Variants in NGEF observed in about 807,000 individuals in gnomAD.
The protein encoded by NGEF is neuronal guanine nucleotide exchange factor.
NGEF carries 31 observed loss-of-function variants against 80.9 expected under a neutral mutation model. That is an observed-to-expected ratio of 0.38 (90% CI 0.29 to 0.52). NGEF has a LOEUF of 0.52. NGEF is among the 20% of genes least tolerant of loss of function. The probability of loss-of-function intolerance (pLI) is 0.84; values close to 1 mark genes in which losing one functional copy is unlikely to be tolerated. For synonymous variants in NGEF, 371 were observed against 370.2 expected (o/e 1.00, Z -0.03); for missense variants, 709 against 926.2 (o/e 0.77, Z 3.04).
intron 3 of NGEF, among the ~76,000 whole-genome samples, chr2:232,956,184 C>A (rs1226088413): frequency 1.3e-5 from 2 of 152,010 alleles, no homozygotes; most frequent in Admixed American, 1.3e-4. Context: ...TAAAGAGGAT[C>A]CAGGGCTCAA....
chr2:232,927,882 C>T, intron 3 of NGEF: 1 of 1,281,442 alleles, frequency 7.8e-7, no homozygotes, highest in Admixed American at 4.1e-5. Context: ...GGGACAGGCG[C>T]CCGTCCTCAC....
rs537302899 is a variant in NGEF, at chr2:232,888,290, GCA to G, written c.1273-185_1273-184del. Among the ~76,000 whole-genome samples, 1,145 of 150,610 alleles carry G rather than the reference GCA, an allele frequency of 7.6e-3. 7 individuals carry two copies. The highest frequency in any genetic ancestry group is 0.01 in the African/African-American group (428 of 40,966). ...CACACATGCATACAGACCTGCGTGT[GCA>G]CACACGTGCATACATGCTCGCACAC... On this transcript the variant is annotated intron_variant, in intron 8 of 14. Coordinates refer to ENST00000264051, the MANE Select transcript of NGEF (RefSeq NM_019850.3).
At chr2:233,002,333 G>T (rs1475488537) in intron 1 of NGEF, among the ~76,000 whole-genome samples, 1 of 152,170 alleles carries the variant, frequency 6.6e-6, no homozygotes, top group Non-Finnish European at 1.5e-5. Flanking sequence ...TTAATTTAAA[G>T]GCAATCTGTA....
In NGEF at chr2:232,971,504, G is replaced by T. The variant is rs189007029; in HGVS notation, c.269-1176C>A. ...GTTCGAAACCAGCCTGGCCAACATG[G>T]TGAAACCCTGTCTCTACTAAAAATA... On this transcript the variant is annotated intron_variant, in intron 2 of 14. Coordinates refer to ENST00000264051, the MANE Select transcript of NGEF (RefSeq NM_019850.3). Among the ~76,000 whole-genome samples, 212 of 152,276 alleles carry T rather than the reference G, an allele frequency of 1.4e-3. 2 individuals are homozygous for T. Among genetic ancestry groups the T allele is most frequent in the Middle Eastern group, 0.01 (3 of 294 alleles).
intron 1 of NGEF, among the ~76,000 whole-genome samples, chr2:232,996,651 C>A (rs1482281414): frequency 6.6e-6 from 1 of 152,072 alleles, no homozygotes. Flanking sequence ...CGCACCACCA[C>A]GCCTGGCTCA....
chr2:232,970,289 G>T lies in NGEF; in HGVS notation c.308C>A (p.Thr103Asn), dbSNP rs753343643. The change falls in exon 3 of 15, where the codon ACC (threonine) becomes AAC (asparagine). Residue 103 changes from threonine to asparagine, a missense_variant. Coordinates refer to ENST00000264051, the MANE Select transcript of NGEF (RefSeq NM_019850.3). ...DNGKSVNEPL[T>N]LNIPWSRMPP... ...CATTCTGCTCCAGGGGATATTCAAG[G>T]TCAGGGGCTCATTTACAGATTTTCC... The T allele has an allele frequency of 6.2e-7, 1 of 1,604,960 alleles. No homozygotes were observed. Among genetic ancestry groups the T allele is most frequent in the Non-Finnish European group, 8.5e-7 (1 of 1,176,976 alleles).
intron 2 of NGEF, among the ~76,000 whole-genome samples, chr2:232,974,312 C>G (rs932841038): frequency 5.3e-5 from 8 of 151,984 alleles, no homozygotes; most frequent in Non-Finnish European, 7.4e-5. Context: ...GTGGATGGCT[C>G]TAAGTCTCCC....
chr2:233,000,489 C>T (rs993294987), intron 1 of NGEF, among the ~76,000 whole-genome samples: 8 of 151,992 alleles, frequency 5.3e-5, no homozygotes, highest in African/African-American at 1.7e-4. Flanking sequence ...AGGTGGCTCA[C>T]GCCTGTAATG....
chr2:233,006,644 T>C (rs1695089217), intron 1 of NGEF, among the ~76,000 whole-genome samples: 1 of 152,230 alleles, frequency 6.6e-6, no homozygotes, highest in South Asian at 2.1e-4. Context: ...GAAAAAGTGA[T>C]CCTTTTTCTT....
At chr2:232,994,537 A>G (rs1694739645) in intron 1 of NGEF, among the ~76,000 whole-genome samples, 2 of 152,212 alleles carry the variant, frequency 1.3e-5, no homozygotes, top group South Asian at 4.1e-4. Context: ...ATCACAGAAT[A>G]TTTTGAGAAA....
rs1340958950 is a variant in NGEF at position 232,974,729 on chromosome 2, A to G, written c.162T>C (p.His54=). 1.2e-6 allele frequency: 2 copies of G among 1,614,248 alleles called. No homozygotes were observed. The highest frequency in any genetic ancestry group is 2.2e-5 in the East Asian group (1 of 44,886). ...AATTTCTCTTAATTGGGATGTGGCA[A>G]TGAGGCTCTTTGTCTTGGATATCCT... The part of the protein sequence containing the change: ...ADQDIQDKEP[H]CHIPIKRNSI... Residue 54 remains histidine (H), a synonymous_variant, in exon 2 of 15, where the codon CAT becomes CAC. Coordinates refer to ENST00000264051, the MANE Select transcript of NGEF (RefSeq NM_019850.3).
chr2:232,887,334 C>G (rs1691725540), intron 9 of NGEF, among the ~76,000 whole-genome samples: 1 of 152,160 alleles, frequency 6.6e-6, no homozygotes, highest in Non-Finnish European at 1.5e-5. Flanking sequence ...CGCAAAACCC[C>G]TGCTCTGCTG....
intron 3 of NGEF, among the ~76,000 whole-genome samples, chr2:232,932,040 G>A (rs1395901752): frequency 6.6e-6 from 1 of 152,082 alleles, no homozygotes; most frequent in African/African-American, 2.4e-5. Flanking sequence ...ATGGTAACTG[G>A]TATGGTAAAA....
chr2:232,884,355 A>T (rs1205767216), intron 10 of NGEF, among the ~76,000 whole-genome samples: 1 of 151,944 alleles, frequency 6.6e-6, no homozygotes, highest in Non-Finnish European at 1.5e-5. Flanking sequence ...TGTGGGCATG[A>T]GTGTGCTATG....
intron 3 of NGEF, among the ~76,000 whole-genome samples, chr2:232,945,652 C>CTGACGA (rs567706936): frequency 1.2e-3 from 176 of 150,924 alleles, no homozygotes; most frequent in African/African-American, 4.1e-3. Context: ...GAGTGTGGTC[C>CTGACGA]TGACGATGTC....
At chr2:232,968,422 T>C (rs1034670578) in intron 3 of NGEF, among the ~76,000 whole-genome samples, 2 of 135,558 alleles carry the variant, frequency 1.5e-5, no homozygotes, top group African/African-American at 5.8e-5. Flanking sequence ...ATTTTATTTT[T>C]TGAGACGGAG....
chr2:232,940,675 A>G (rs1402970810), intron 3 of NGEF, among the ~76,000 whole-genome samples: 2 of 152,254 alleles, frequency 1.3e-5, no homozygotes, highest in Non-Finnish European at 2.9e-5. Flanking sequence ...AACATTTAAT[A>G]ATCTGGAAAG....
At chr2:232,945,873 C>T (rs757335920) in intron 3 of NGEF, among the ~76,000 whole-genome samples, 1 of 151,576 alleles carries the variant, frequency 6.6e-6, no homozygotes, top group Non-Finnish European at 1.5e-5. Context: ...TGTTGAGGAC[C>T]TGGTTCTCAC....
At chr2:232,885,124 G>T in intron 10 of NGEF, 156 bp downstream of exon 10, 1 of 643,104 alleles carries the variant, frequency 1.6e-6, no homozygotes, top group Non-Finnish European at 2.7e-6. Context: ...AGGCGGGGTG[G>T]CTTCAGCTGG....
Sources: gnomAD v4.1 joint callset for allele counts (sites outside exome capture counted in the v4.1 genomes callset) on GRCh38, gnomAD v4.1.1 for gene constraint, MANE v1.5 for transcripts, NCBI Gene and HGNC (gene_info 2026-07-23, HGNC 2026-07-21) for gene names.